KCNH1: variants seen among roughly 807,000 people sequenced by gnomAD.
The protein encoded by KCNH1 is voltage-gated delayed rectifier potassium channel KCNH1.
Under a neutral mutation model 69.2 loss-of-function variants are expected in KCNH1, and 27 were observed. The observed-to-expected ratio is 0.39, with a 90% CI of 0.29 to 0.54. The LOEUF (loss-of-function observed/expected upper bound fraction) is 0.54. Ranked by LOEUF, KCNH1 falls within the 20% of genes least tolerant of loss-of-function variation. KCNH1 has a pLI of 0.68. For missense variants in KCNH1, 798 were observed against 1,261.6 expected (o/e 0.63, Z 5.57); for synonymous variants, 456 against 487.7 (o/e 0.93, Z 0.86).
intron 7 of KCNH1, among the ~76,000 whole-genome samples, chr1:210,808,602 C>T (rs549105951): frequency 6.6e-6 from 1 of 151,928 alleles, no homozygotes; most frequent in East Asian, 1.9e-4. Flanking sequence ...CACAATGTTG[C>T]CCAGGCTGGT....
intron 7 of KCNH1, chr1:210,860,461 G>C: frequency 2.3e-6 from 2 of 882,876 alleles, no homozygotes; most frequent in East Asian, 4.8e-5. Context: ...TCCCATAGCA[G>C]TAACTGCTTT....
chr1:210,886,080 C>T (rs1461376459), intron 7 of KCNH1, among the ~76,000 whole-genome samples: 1 of 152,176 alleles, frequency 6.6e-6, no homozygotes, highest in African/African-American at 2.4e-5. Context: ...GGGTCCCTGA[C>T]CCCCATGCCT....
intron 4 of KCNH1, among the ~76,000 whole-genome samples, chr1:211,089,541 G>A (rs1426200002): frequency 6.6e-6 from 1 of 152,164 alleles, no homozygotes; most frequent in African/African-American, 2.4e-5. Context: ...TACCCTCAGA[G>A]GACACAGCCC....
chr1:211,084,150 G>A (rs1025696700), intron 4 of KCNH1, among the ~76,000 whole-genome samples: 2 of 152,188 alleles, frequency 1.3e-5, no homozygotes, highest in Non-Finnish European at 2.9e-5. Flanking sequence ...AATGTTAACA[G>A]GAGGGCACAG....
chr1:211,093,351 T>A (rs1243025756), intron 3 of KCNH1, among the ~76,000 whole-genome samples: 1 of 152,218 alleles, frequency 6.6e-6, no homozygotes, highest in South Asian at 2.1e-4. Context: ...GGCTGCACGA[T>A]CTCGGCTCAC....
At chr1:210,736,410 T>C (rs577091552) in intron 10 of KCNH1, among the ~76,000 whole-genome samples, 1 of 152,100 alleles carries the variant, frequency 6.6e-6, no homozygotes, top group Non-Finnish European at 1.5e-5. Flanking sequence ...TAGACAGGTG[T>C]GGTGGTGCAT....
chr1:211,092,928 G>A (rs931434487), intron 3 of KCNH1, among the ~76,000 whole-genome samples: 3 of 151,726 alleles, frequency 2.0e-5, no homozygotes, highest in Non-Finnish European at 4.4e-5. Context: ...TATTTAAACT[G>A]TGTCTCTGTT....
intron 10 of KCNH1, among the ~76,000 whole-genome samples, chr1:210,704,478 TA>T (rs985974195): frequency 3.9e-5 from 6 of 152,148 alleles, no homozygotes; most frequent in African/African-American, 1.4e-4. Context: ...AGTGACTTTC[TA>T]AACTATCCCA....
chr1:211,090,911 T>C (rs2102473329), intron 3 of KCNH1, among the ~76,000 whole-genome samples: 1 of 152,324 alleles, frequency 6.6e-6, no homozygotes, highest in South Asian at 2.1e-4. Context: ...GTTCAACTAA[T>C]TTTCCAAGTG....
At chr1:211,102,246 C>A (rs531166420) in intron 3 of KCNH1, among the ~76,000 whole-genome samples, 40 of 152,310 alleles carry the variant, frequency 2.6e-4, no homozygotes, top group African/African-American at 7.9e-4. Context: ...GTGCTGCCAA[C>A]GTGGAAAACT....
intron 1 of KCNH1, chr1:211,108,430 G>A (rs1691398138): frequency 6.6e-6 from 1 of 152,098 alleles, no homozygotes; most frequent in South Asian, 2.1e-4. Context: ...ACTACATAGA[G>A]TGAAATAATA....
At chr1:211,053,581 G>C (rs150230554) in intron 5 of KCNH1, among the ~76,000 whole-genome samples, 1 of 152,136 alleles carries the variant, frequency 6.6e-6, no homozygotes. Context: ...AGAAAAAAGG[G>C]TTATCTGTAA....
chr1:210,967,755 C>T (rs4951691), intron 6 of KCNH1, among the ~76,000 whole-genome samples: 11,970 of 152,154 alleles, frequency 0.079, 666 homozygotes, highest in South Asian at 0.18. Context: ...TTTCTTCCTT[C>T]GCAATCCTTA....
chr1:210,818,441 C>A (rs1486141087), intron 7 of KCNH1, among the ~76,000 whole-genome samples: 1 of 152,174 alleles, frequency 6.6e-6, no homozygotes, highest in East Asian at 1.9e-4. Flanking sequence ...GTAATCAGAG[C>A]TTTGCAGTCA....
At position 210,718,651 on chromosome 1, in the gene KCNH1, T is replaced by TACACACACAC. The variant is rs57407331; in HGVS notation, c.2113-34523_2113-34514dup. Among the ~76,000 whole-genome samples, 6 of 75,556 alleles carry TACACACACAC rather than the reference T, an allele frequency of 7.9e-5. 1 individual carries two copies. The highest frequency in any genetic ancestry group is 2.4e-4 in the African/African-American group (5 of 21,252). 49.6% of individuals were successfully genotyped at this position (75,556 alleles called of 152,430 possible). On this transcript the variant is annotated intron_variant, in intron 10 of 10. Transcript: ENST00000271751. The stretch of plus-strand genomic sequence containing the variant: ...ATAAATATATATATACATATATATA[T>TACACACACAC]ACACACACACACACACACACACACA...
chr1:210,841,248 T>C (rs1685403767), intron 7 of KCNH1, among the ~76,000 whole-genome samples: 1 of 152,162 alleles, frequency 6.6e-6, no homozygotes, highest in South Asian at 2.1e-4. Context: ...CTTGTCTTCT[T>C]CTAAAAGGAA....
chr1:210,851,112 T>C (rs565290675), intron 7 of KCNH1, among the ~76,000 whole-genome samples: 2 of 152,312 alleles, frequency 1.3e-5, no homozygotes, highest in Admixed American at 6.5e-5. Flanking sequence ...AAGGAGTTAA[T>C]CCAGCTTTCT....
intron 5 of KCNH1, among the ~76,000 whole-genome samples, chr1:211,039,657 T>G (rs561103245): frequency 1.8e-4 from 27 of 152,316 alleles, no homozygotes; most frequent in African/African-American, 6.3e-4. Flanking sequence ...GGAGATCATT[T>G]TGAAGCTTTA....
Position 210,804,106 on chromosome 1 carries a change from T to C in KCNH1, c.1523A>G (p.Asn508Ser). ...VTTIFQQMYA[N>S]TNRYHEMLNS... ...GAGCATCTCATGGTATCTGTTGGTG[T>C]TGGCATACATCTGTTGGAAAATAGT... The change falls in exon 8 of 11, where the codon AAC becomes AGC. Residue 508 changes from asparagine (N) to serine (S), a missense_variant. Transcript: ENST00000271751. The C allele has an allele frequency of 6.2e-7, 1 of 1,614,198 alleles. No individual in the cohort carries two copies. The highest frequency in any genetic ancestry group is 8.5e-7 in the Non-Finnish European group (1 of 1,180,012).
Sources: allele counts gnomAD v4.1 joint callset (sites outside exome capture counted in the v4.1 genomes callset), GRCh38; gene constraint gnomAD v4.1.1; transcripts MANE v1.5; gene names NCBI Gene and HGNC (gene_info 2026-07-23, HGNC 2026-07-21).